CDH13: variants seen among roughly 807,000 people sequenced by gnomAD.
CDH13 encodes cadherin-13.
A neutral mutation model predicts 63.8 loss-of-function variants in CDH13; 24 were observed. The observed-to-expected ratio is 0.38, with a 90% confidence interval of 0.27 to 0.53. The LOEUF is 0.53. Among genes scored for constraint, CDH13 ranks in the 20% least tolerant of loss-of-function variants. The pLI, the probability that CDH13 is intolerant of heterozygous loss-of-function variation, is 0.85. For synonymous variants in CDH13, 503 were observed against 355.3 expected, an observed-to-expected ratio of 1.42 and a Z score of -4.67; for missense variants, 1,049 against 903.1, an observed-to-expected ratio of 1.16 and a Z score of -2.07.
intron 6 of CDH13, among the ~76,000 whole-genome samples, chr16:83,435,463 C>G (rs1223430529): frequency 2.0e-5 from 3 of 152,188 alleles, no homozygotes; most frequent in African/African-American, 7.2e-5. Context: ...ACATCTAACT[C>G]TGATGTGGTC....
intron 4 of CDH13, among the ~76,000 whole-genome samples, chr16:83,131,185 C>G (rs1208150128): frequency 1.3e-4 from 2 of 15,742 alleles, no homozygotes; most frequent in African/African-American, 1.6e-4. Flanking sequence ...GTGTATGACC[C>G]CCCCCCCCCC....
At chr16:83,338,464 T>C (rs562318187) in intron 5 of CDH13, among the ~76,000 whole-genome samples, 10 of 152,358 alleles carry the variant, frequency 6.6e-5, no homozygotes, top group African/African-American at 2.2e-4. Flanking sequence ...GCACCAGGCA[T>C]TGGGTCCAGG....
At chr16:83,450,599 G>A (rs866149932) in intron 6 of CDH13, among the ~76,000 whole-genome samples, 11 of 152,302 alleles carry the variant, frequency 7.2e-5, no homozygotes, top group South Asian at 4.1e-4. Flanking sequence ...GGCCAGGGGC[G>A]GTGGCTTATG....
intron 2 of CDH13, among the ~76,000 whole-genome samples, chr16:82,879,628 ATATC>A (rs1241595070): frequency 1.1e-4 from 15 of 140,446 alleles, no homozygotes; most frequent in Admixed American, 4.4e-4. Flanking sequence ...ATAATATAAA[ATATC>A]TATTATATGT....
intron 5 of CDH13, among the ~76,000 whole-genome samples, chr16:83,326,752 C>T (rs541013801): frequency 1.1e-4 from 16 of 152,198 alleles, no homozygotes; most frequent in Admixed American, 2.0e-4. Context: ...CTGGGCTGGC[C>T]AGGACACTTA....
At chr16:82,985,367 A>G (rs1353020467) in intron 2 of CDH13, among the ~76,000 whole-genome samples, 1 of 152,100 alleles carries the variant, frequency 6.6e-6, no homozygotes, top group African/African-American at 2.4e-5. Context: ...GAGATCTTGA[A>G]GTAAGTAAAA....
intron 4 of CDH13, among the ~76,000 whole-genome samples, chr16:83,213,873 G>C (rs2039412399): frequency 1.3e-5 from 2 of 152,056 alleles, no homozygotes; most frequent in African/African-American, 4.8e-5. Flanking sequence ...TCAGTGCTCT[G>C]TAGCTACCTA....
At chr16:82,991,055 C>A (rs1911594543) in intron 2 of CDH13, among the ~76,000 whole-genome samples, 1 of 152,280 alleles carries the variant, frequency 6.6e-6, no homozygotes, top group Admixed American at 6.5e-5. Flanking sequence ...GTAGTAGCAT[C>A]CCTGCCATGC....
At chr16:83,370,474 T>A (rs2091345785) in intron 6 of CDH13, among the ~76,000 whole-genome samples, 1 of 150,052 alleles carries the variant, frequency 6.7e-6, no homozygotes, top group Non-Finnish European at 1.5e-5. Context: ...TTATTTTAAC[T>A]TTTGTTTTAG....
chr16:83,172,674 C>T (rs2037971677), intron 4 of CDH13, among the ~76,000 whole-genome samples: 1 of 152,054 alleles, frequency 6.6e-6, no homozygotes, highest in Non-Finnish European at 1.5e-5. Flanking sequence ...CTCAGATTTT[C>T]AGCCTCCATC....
intron 7 of CDH13, among the ~76,000 whole-genome samples, chr16:83,552,107 A>T (rs1289688037): frequency 6.6e-6 from 1 of 152,240 alleles, no homozygotes; most frequent in Non-Finnish European, 1.5e-5. Flanking sequence ...GGGATAAATG[A>T]TATGGCCCTG....
At chr16:83,481,065 T>C (rs1311971391) in intron 6 of CDH13, among the ~76,000 whole-genome samples, 9 of 152,202 alleles carry the variant, frequency 5.9e-5, no homozygotes, top group Non-Finnish European at 1.0e-4. Context: ...CTGCCTCCTC[T>C]GGTGAGTTTG....
In CDH13 at chr16:82,627,111, C is replaced by G; in HGVS notation, c.19C>G (p.Leu7Val). The change falls in exon 1 of 14, where the codon CTC (leucine) becomes GTC (valine). Residue 7 changes from leucine to valine, a missense_variant. Leu to Val is a conservative substitution (Grantham distance 32, BLOSUM62 1). Coordinates refer to ENST00000567109, the MANE Select transcript of CDH13 (RefSeq NM_001257.5). MQPRTP[L>V]VLCVLLSQVL... is the part of the protein sequence containing the mutation. The stretch of plus-strand genomic sequence containing the variant: ...GGACAAAATGCAGCCGAGAACTCCG[C>G]TCGTTCTGTGCGTTCTCCTGTCCCA... 6.2e-7 allele frequency: 1 copy of G among 1,606,432 alleles called. No individual in the cohort carries two copies.
intron 1 of CDH13, among the ~76,000 whole-genome samples, chr16:82,838,656 C>G (rs931350530): frequency 1.3e-5 from 2 of 152,178 alleles, no homozygotes; most frequent in Admixed American, 6.5e-5. Flanking sequence ...TCACAGAGGG[C>G]TGCTTAAGAA....
chr16:82,939,637 G>A (rs2042773304), intron 2 of CDH13, among the ~76,000 whole-genome samples: 2 of 149,026 alleles, frequency 1.3e-5, no homozygotes, highest in Non-Finnish European at 3.0e-5. Context: ...TTAACAGTGG[G>A]TCTCTTCTAT....
intron 4 of CDH13, among the ~76,000 whole-genome samples, chr16:83,148,517 C>T (rs1283618224): frequency 6.6e-6 from 1 of 152,176 alleles, no homozygotes; most frequent in African/African-American, 2.4e-5. Flanking sequence ...GGTCAATGTA[C>T]GTAATGCCTC....
chr16:83,529,430 G>A (rs142226377), intron 7 of CDH13, among the ~76,000 whole-genome samples: 1 of 152,074 alleles, frequency 6.6e-6, no homozygotes, highest in Non-Finnish European at 1.5e-5. Context: ...AAAAATAAAA[G>A]GTTAGATCTC....
chr16:82,813,634 C>T (rs1263156292), intron 1 of CDH13, among the ~76,000 whole-genome samples: 4 of 152,098 alleles, frequency 2.6e-5, no homozygotes, highest in Admixed American at 2.6e-4. Context: ...ATACAGACCC[C>T]AGATTGCTGG....
chr16:83,032,380 A>C, intron 3 of CDH13, 162 bp downstream of exon 3: 1 of 606,878 alleles, frequency 1.6e-6, no homozygotes, highest in Non-Finnish European at 2.9e-6. Context: ...GATGAGGGGC[A>C]GCGGGAATTA....
Sources: gnomAD v4.1 joint callset for allele counts (sites outside exome capture counted in the v4.1 genomes callset) on GRCh38, gnomAD v4.1.1 for gene constraint, MANE v1.5 for transcripts, NCBI Gene and HGNC (gene_info 2026-07-23, HGNC 2026-07-21) for gene names.